GRID1: variants seen among roughly 807,000 people sequenced by gnomAD.
GRID1 encodes glutamate receptor ionotropic, delta-1.
GRID1 carries 28 observed loss-of-function variants against 98.0 expected under a neutral mutation model. That is an observed-to-expected ratio of 0.29 (90% CI 0.21 to 0.39). GRID1 has a LOEUF of 0.39. Among genes scored for constraint, GRID1 ranks in the 10% least tolerant of loss-of-function variants. The pLI is 1.00. For synonymous variants in GRID1, 553 were observed against 538.5 expected (o/e 1.03, Z -0.37); for missense variants, 1,111 against 1,340.5 (o/e 0.83, Z 2.67).
In GRID1 at chr10:86,059,416, T is replaced by C. The variant is rs114882352; in HGVS notation, c.726+79403A>G. Among the ~76,000 whole-genome samples, 816 of 152,388 alleles carry C rather than the reference T, an allele frequency of 5.4e-3. 10 individuals carry two copies. Among genetic ancestry groups the C allele is most frequent in the African/African-American group, 0.019 (773 of 41,586 alleles). Reference sequence around the variant, plus strand: ...GCATTCTGCCATACACAGGTATTTATGAAATCCTTAGATTTGCGCATTCAT... The same window carrying C: ...GCATTCTGCCATACACAGGTATTTACGAAATCCTTAGATTTGCGCATTCAT... On this transcript the variant is annotated intron_variant, in intron 4 of 15. Coordinates refer to ENST00000327946, the MANE Select transcript of GRID1 (RefSeq NM_017551.3).
intron 12 of GRID1, among the ~76,000 whole-genome samples, chr10:85,707,701 T>C (rs1200283456): frequency 6.6e-6 from 1 of 152,098 alleles, no homozygotes; most frequent in Non-Finnish European, 1.5e-5. Context: ...TAGCAAAGAC[T>C]TGGAACCAAC....
chr10:86,269,904 A>T (rs1444185411), intron 2 of GRID1, among the ~76,000 whole-genome samples: 1 of 152,136 alleles, frequency 6.6e-6, no homozygotes, highest in Non-Finnish European at 1.5e-5. Flanking sequence ...TACGGGCACT[A>T]AGACCCCCTG....
At chr10:85,820,275 A>C (rs1842757976) in intron 8 of GRID1, among the ~76,000 whole-genome samples, 1 of 152,150 alleles carries the variant, frequency 6.6e-6, no homozygotes, top group Non-Finnish European at 1.5e-5. Context: ...AAAAGAAAGA[A>C]ACTAACAATT....
intron 12 of GRID1, among the ~76,000 whole-genome samples, chr10:85,670,256 T>A (rs1036937904): frequency 6.6e-6 from 1 of 152,120 alleles, no homozygotes; most frequent in Non-Finnish European, 1.5e-5. Context: ...CTACTAGGAA[T>A]CCACTTGGAA....
At chr10:85,833,921 C>T (rs1393958541) in intron 8 of GRID1, among the ~76,000 whole-genome samples, 2 of 151,984 alleles carry the variant, frequency 1.3e-5, no homozygotes, top group Non-Finnish European at 2.9e-5. Flanking sequence ...ATAAAATGTA[C>T]CCAATGTGAC....
chr10:86,074,457 A>G (rs1843851766), intron 4 of GRID1, among the ~76,000 whole-genome samples: 1 of 152,208 alleles, frequency 6.6e-6, no homozygotes, highest in South Asian at 2.1e-4. Context: ...CACTTAAGAT[A>G]ATGACCTAAT....
chr10:86,070,693 T>A (rs1843790946), intron 4 of GRID1, among the ~76,000 whole-genome samples: 2 of 152,170 alleles, frequency 1.3e-5, no homozygotes, highest in South Asian at 2.1e-4. Context: ...CCCTCATCCA[T>A]CCCTGCACAC....
At position 85,603,105 on chromosome 10, in the gene GRID1, T is replaced by C. The variant is rs867207563; in HGVS notation, c.2602-404A>G. 7.9e-5 allele frequency among the ~76,000 whole-genome samples: 12 copies of C among 152,282 alleles called. No individual in the cohort carries two copies. In the South Asian group the frequency reaches 2.5e-3, roughly 32 times the overall value. On this transcript the variant is annotated intron_variant, in intron 15 of 15. Coordinates refer to ENST00000327946, the MANE Select transcript of GRID1 (RefSeq NM_017551.3). ...CTAAGGTGTCCCATGAATTTGCCAC[T>C]TAGAGTTCAAGATGATGAAAAGACT...
At chr10:86,127,481 G>A (rs1415008367) in intron 4 of GRID1, among the ~76,000 whole-genome samples, 1 of 152,188 alleles carries the variant, frequency 6.6e-6, no homozygotes, top group African/African-American at 2.4e-5. Context: ...GAGGTGCCCT[G>A]TGAACTCTCA....
chr10:85,714,877 G>A (rs952347601), intron 12 of GRID1, among the ~76,000 whole-genome samples: 1 of 151,906 alleles, frequency 6.6e-6, no homozygotes, highest in Non-Finnish European at 1.5e-5. Context: ...ATTCTTCACA[G>A]AAATGGAAAA....
intron 8 of GRID1, among the ~76,000 whole-genome samples, chr10:85,803,371 C>T (rs1156811995): frequency 1.3e-5 from 2 of 151,988 alleles, no homozygotes; most frequent in Non-Finnish European, 2.9e-5. Context: ...TATGTACCCA[C>T]TAAAAATACG....
chr10:85,678,267 C>T lies in GRID1; in HGVS notation c.1998-30870G>A, dbSNP rs1355805941. ...AAGGTGCCCCAGGAGAAAACCTCAA[C>T]TGGGATGCTTCAGCAGAGGAGTGAT... On this transcript the variant is annotated intron_variant, in intron 12 of 15. Coordinates refer to ENST00000327946, the MANE Select transcript of GRID1 (RefSeq NM_017551.3). Among the ~76,000 whole-genome samples the T allele has an allele frequency of 2.0e-5, 3 of 152,188 alleles. No homozygotes were observed. In the East Asian group the frequency reaches 5.8e-4, roughly 29 times the overall value.
At chr10:85,634,157 C>T (rs1363736544) in intron 13 of GRID1, among the ~76,000 whole-genome samples, 2 of 142,494 alleles carry the variant, frequency 1.4e-5, no homozygotes, top group East Asian at 2.1e-4. Flanking sequence ...GCAACAAGAG[C>T]GAAACTCCAT....
At chr10:85,780,097 G>A (rs1842367990) in intron 8 of GRID1, among the ~76,000 whole-genome samples, 1 of 152,176 alleles carries the variant, frequency 6.6e-6, no homozygotes, top group Non-Finnish European at 1.5e-5. Context: ...AAATAAAAGG[G>A]GCAGAGCAGC....
At chr10:85,881,501 C>G (rs1841014219) in intron 5 of GRID1, among the ~76,000 whole-genome samples, 1 of 152,130 alleles carries the variant, frequency 6.6e-6, no homozygotes, top group Non-Finnish European at 1.5e-5. Flanking sequence ...TTTGACAAAC[C>G]TGACAAAAAC....
At chr10:85,951,324 G>A (rs1842123081) in intron 4 of GRID1, among the ~76,000 whole-genome samples, 1 of 152,202 alleles carries the variant, frequency 6.6e-6, no homozygotes. Context: ...AGGACAAGCA[G>A]CACCAGTGTG....
At chr10:86,277,382 G>A (rs1323656335) in intron 2 of GRID1, among the ~76,000 whole-genome samples, 1 of 152,156 alleles carries the variant, frequency 6.6e-6, no homozygotes, top group Non-Finnish European at 1.5e-5. Context: ...ACTCAAAGCT[G>A]CATGAAGGAA....
chr10:86,037,095 C>T (rs984302797), intron 4 of GRID1, among the ~76,000 whole-genome samples: 5 of 152,162 alleles, frequency 3.3e-5, no homozygotes, highest in African/African-American at 1.2e-4. Flanking sequence ...CTTTTGATAC[C>T]ACTTTCTGGA....
At chr10:86,086,633 A>G (rs948249196) in intron 4 of GRID1, among the ~76,000 whole-genome samples, 1 of 151,990 alleles carries the variant, frequency 6.6e-6, no homozygotes, top group Non-Finnish European at 1.5e-5. Flanking sequence ...TGTGTGTGCA[A>G]GCATGTGTGT....
Sources: gnomAD v4.1 joint callset for allele counts (sites outside exome capture counted in the v4.1 genomes callset) on GRCh38, gnomAD v4.1.1 for gene constraint, MANE v1.5 for transcripts, NCBI Gene and HGNC (gene_info 2026-07-23, HGNC 2026-07-21) for gene names.